Variants in OSBPL2 observed in about 807,000 individuals in gnomAD.
The protein encoded by OSBPL2 is oxysterol-binding protein-related protein 2.
OSBPL2 carries 18 observed loss-of-function variants against 58.4 expected under a neutral mutation model. The ratio of observed to expected loss-of-function variants is 0.31; its 90% CI spans 0.21 to 0.46. The LOEUF is 0.46. Among genes scored for constraint, OSBPL2 ranks in the 20% least tolerant of loss-of-function variants. The probability of loss-of-function intolerance (pLI) is 1.00; values close to 1 mark genes in which losing one functional copy is unlikely to be tolerated. For synonymous variants in OSBPL2, 221 were observed against 234.1 expected, an observed-to-expected ratio of 0.94 and a Z score of 0.51; for missense variants, 461 against 616.5, an observed-to-expected ratio of 0.75 and a Z score of 2.67.
At position 62,281,891 on chromosome 20, in the gene OSBPL2, C is replaced by T. The variant is rs1315674938; in HGVS notation, c.872+12C>T. 1 of 1,585,172 alleles carries T rather than the reference C, an allele frequency of 6.3e-7. No homozygotes were observed. Among genetic ancestry groups the T allele is most frequent in the Admixed American group, 1.7e-5 (1 of 59,914 alleles). On this transcript the variant is annotated intron_variant, in intron 9 of 13. Coordinates refer to ENST00000313733, the MANE Select transcript of OSBPL2 (RefSeq NM_144498.4). ...ATTCAAGACAAAAAGTAGGTCCTTG[C>T]CAAGTGTTCATGGGGCACCACTACA...
intron 1 of OSBPL2, among the ~76,000 whole-genome samples, chr20:62,251,212 C>T (rs1453893136): frequency 2.0e-5 from 3 of 151,280 alleles, no homozygotes; most frequent in Admixed American, 1.3e-4. Context: ...CCGGCCACCA[C>T]GCCCGGCTAA....
At chr20:62,262,365 C>T (rs922491246) in intron 3 of OSBPL2, among the ~76,000 whole-genome samples, 1 of 152,190 alleles carries the variant, frequency 6.6e-6, no homozygotes, top group African/African-American at 2.4e-5. Flanking sequence ...CTCCCTTGGC[C>T]TGGGGCCTCT....
chr20:62,260,236 C>A, intron 3 of OSBPL2, 111 bp downstream of exon 3: 1 of 1,038,700 alleles, frequency 9.6e-7, no homozygotes, highest in Non-Finnish European at 1.4e-6. Context: ...GGCACCCCCA[C>A]AGCTGTCTGG....
At chr20:62,279,060 C>T in intron 6 of OSBPL2, 97 bp from the exon 7 acceptor site, 1 of 1,046,736 alleles carries the variant, frequency 9.6e-7, no homozygotes, top group Non-Finnish European at 1.4e-6. Context: ...GCCCCTGCTT[C>T]CCAGCGTCCT....
intron 10 of OSBPL2, 185 bp downstream of exon 10, chr20:62,284,354 G>T: frequency 4.8e-6 from 3 of 623,746 alleles, no homozygotes; most frequent in Non-Finnish European, 8.3e-6. Flanking sequence ...CAGTGAGGGG[G>T]TTTATCTGTA....
chr20:62,261,365 G>C (rs372774998), intron 3 of OSBPL2, among the ~76,000 whole-genome samples: 6 of 151,928 alleles, frequency 3.9e-5, no homozygotes, highest in East Asian at 3.9e-4. Flanking sequence ...GTGTCAGGTG[G>C]GACAGGCAGT....
rs1981896156 is a variant in OSBPL2 at position 62,269,272 on chromosome 20, T to C, written c.259-2853T>C. On this transcript the variant is annotated intron_variant, in intron 4 of 13. Coordinates refer to ENST00000313733, the MANE Select transcript of OSBPL2 (RefSeq NM_144498.4). This position sits in a 1 kb window ranked among gnomAD's most constrained non-coding sequence, Gnocchi z 4.2. ...CACCTAGCTTATTGGACTGGCGCCC[T>C]GTTGTTGGACATACGGGTCATTTCT... Among the ~76,000 whole-genome samples, 1 of 152,118 alleles carries C rather than the reference T, an allele frequency of 6.6e-6. No individual in the cohort carries two copies. The highest frequency in any genetic ancestry group is 2.1e-4 in the South Asian group (1 of 4,836).
At chr20:62,244,995 G>A (rs1470028356) in intron 1 of OSBPL2, among the ~76,000 whole-genome samples, 3 of 152,234 alleles carry the variant, frequency 2.0e-5, no homozygotes, top group Admixed American at 2.0e-4. Flanking sequence ...TGTGCACCTG[G>A]CAAGTTTGCC....
chr20:62,254,456 C>T (rs1385920714), intron 1 of OSBPL2, among the ~76,000 whole-genome samples: 2 of 152,250 alleles, frequency 1.3e-5, no homozygotes, highest in East Asian at 1.9e-4. Flanking sequence ...ACACCCTGGC[C>T]GTGAGCAGGG....
At chr20:62,255,025 C>T (rs1980825388) in intron 1 of OSBPL2, 1 of 151,998 alleles carries the variant, frequency 6.6e-6, no homozygotes, top group African/African-American at 2.4e-5. Flanking sequence ...GCAAAACTTC[C>T]AGAGCCGTGT....
rs552325155 is a variant in OSBPL2, at chr20:62,245,817, CTTGT to C, written c.-129+7223_-129+7226del. On this transcript the variant is annotated intron_variant, in intron 1 of 13. Transcript: ENST00000313733. ...GGTCATTGTTGTGAATGGCATATGACTTGTTTATTTGGTTCTAAATTTATACAAA... is the reference window on the plus strand; with the variant it reads ...GGTCATTGTTGTGAATGGCATATGACTTATTTGGTTCTAAATTTATACAAA... Among the ~76,000 whole-genome samples, 1,292 of 152,344 alleles carry C rather than the reference CTTGT, an allele frequency of 8.5e-3. 10 individuals are homozygous for C. Among genetic ancestry groups the C allele is most frequent in the Non-Finnish European group, 0.013 (856 of 68,040 alleles).
rs1371387052 is a variant in OSBPL2, at chr20:62,290,417, T to TTTG, written c.1249+1089_1249+1090insGTT. ...CACCTGGCTAATTTTTTGGGTTTTT[T>TTTG]TTTTTTTTTTTTTTTTTGAGACGGA... On this transcript the variant is annotated intron_variant, in intron 12 of 13. Transcript: ENST00000313733. Among the ~76,000 whole-genome samples the TTTG allele has an allele frequency of 3.7e-5, 5 of 133,606 alleles. No homozygotes were observed. In the East Asian group the frequency reaches 1.1e-3, roughly 29 times the overall value. The allele number at this position is 133,606 out of a possible 152,430, so 87.7% of individuals were successfully genotyped here. A position where few individuals can be genotyped will look rare whatever the true frequency, so the allele number is the denominator to read the frequency against.
intron 6 of OSBPL2, among the ~76,000 whole-genome samples, chr20:62,276,645 T>C (rs569797380): frequency 6.6e-6 from 1 of 152,296 alleles, no homozygotes; most frequent in African/African-American, 2.4e-5. Context: ...GGACAGAGTG[T>C]GGCGTGGTGA....
chr20:62,291,672 G>T, intron 12 of OSBPL2, 31 bp from the exon 13 acceptor site: 1 of 1,600,740 alleles, frequency 6.2e-7, no homozygotes, highest in Non-Finnish European at 8.6e-7. Context: ...TAAGGTCTCT[G>T]TCTGACCTAA....
At chr20:62,239,197 C>G (rs1236795047) in intron 1 of OSBPL2, 1 of 152,258 alleles carries the variant, frequency 6.6e-6, no homozygotes, top group Non-Finnish European at 1.5e-5. Flanking sequence ...GTCCGTTCCC[C>G]TGGGCTCTGT....
At chr20:62,247,021 C>T (rs141854514) in intron 1 of OSBPL2, among the ~76,000 whole-genome samples, 2 of 152,162 alleles carry the variant, frequency 1.3e-5, no homozygotes, top group Non-Finnish European at 2.9e-5. Context: ...GCCAGGTCGC[C>T]GACTGCTCTG....
At chr20:62,263,995 G>A (rs1427995556) in intron 4 of OSBPL2, among the ~76,000 whole-genome samples, 2 of 151,774 alleles carry the variant, frequency 1.3e-5, no homozygotes, top group African/African-American at 4.8e-5. Flanking sequence ...AACCCAGGAG[G>A]CGGAGGTTGC....
chr20:62,293,621 G>A (rs1293727792), intron 13 of OSBPL2, among the ~76,000 whole-genome samples, 164 bp from the exon 14 acceptor site: 1 of 152,248 alleles, frequency 6.6e-6, no homozygotes. Flanking sequence ...ACATGACCAC[G>A]TGATCAATAA....
At chr20:62,284,962 C>A (rs1983019802) in intron 10 of OSBPL2, 1 of 152,216 alleles carries the variant, frequency 6.6e-6, no homozygotes, top group Non-Finnish European at 1.5e-5. Flanking sequence ...AAAGTACTGG[C>A]AAGGCTTTTC....
Sources: allele counts gnomAD v4.1 joint callset (sites outside exome capture counted in the v4.1 genomes callset), GRCh38; gene constraint gnomAD v4.1.1; non-coding constraint Gnocchi (gnomAD v3.1); transcripts MANE v1.5; gene names NCBI Gene and HGNC (gene_info 2026-07-23, HGNC 2026-07-21).